PTPRG: variants seen among roughly 807,000 people sequenced by gnomAD.
The protein encoded by PTPRG is receptor-type tyrosine-protein phosphatase gamma.
Under a neutral mutation model 165.3 loss-of-function variants are expected in PTPRG, and 102 were observed. The observed-to-expected ratio is 0.62, with a 90% CI of 0.53 to 0.73. The LOEUF is 0.73. Ranked by LOEUF, PTPRG falls within the 30% of genes least tolerant of loss-of-function variation. The pLI, the probability that PTPRG is intolerant of heterozygous loss-of-function variation, is 0.00. For missense variants in PTPRG, 1,866 were observed against 1,861.4 expected, an observed-to-expected ratio of 1.00 and a Z score of -0.05; for synonymous variants, 675 against 669.5, an observed-to-expected ratio of 1.01 and a Z score of -0.13.
At chr3:62,019,752 A>G (rs1480270024) in intron 4 of PTPRG, among the ~76,000 whole-genome samples, 1 of 152,222 alleles carries the variant, frequency 6.6e-6, no homozygotes, top group Non-Finnish European at 1.5e-5. Context: ...GTTGTATGCC[A>G]TGAATGTGTA....
intron 2 of PTPRG, among the ~76,000 whole-genome samples, chr3:61,967,782 T>G (rs1318776868): frequency 6.6e-6 from 1 of 152,212 alleles, no homozygotes; most frequent in African/African-American, 2.4e-5. Context: ...GTAAAACATT[T>G]TAAGTGGAAT....
At chr3:61,614,418 C>CTTTTTT (rs550755163) in intron 1 of PTPRG, among the ~76,000 whole-genome samples, 5,801 of 117,538 alleles carry the variant, frequency 0.049, 502 homozygotes, top group African/African-American at 0.1. Context: ...TTAATAATAC[C>CTTTTTT]TTTTTTTTTT....
chr3:62,195,148 T>C lies in PTPRG; in HGVS notation c.1305T>C (p.Phe435=). 6.2e-7 allele frequency: 1 copy of C among 1,614,206 alleles called. No homozygotes were observed. The highest frequency in any genetic ancestry group is 8.5e-7 in the Non-Finnish European group (1 of 1,180,022). ...AVCRNDMRSD[F]SQTMLFQANT... ...GTCGGAACGACATGCGCAGCGACTT[T>C]AGCCAGACGATGCTGTTTCAAGGTG... Residue 435 remains phenylalanine, a synonymous_variant, in exon 10 of 30, where the codon TTT becomes TTC. Transcript: ENST00000474889. This position sits in a 1 kb window ranked among gnomAD's most constrained non-coding sequence, Gnocchi z 4.4.
At chr3:61,963,818 C>T (rs1371495722) in intron 2 of PTPRG, among the ~76,000 whole-genome samples, 2 of 151,644 alleles carry the variant, frequency 1.3e-5, no homozygotes, top group Admixed American at 1.3e-4. Flanking sequence ...AAATCTTAAC[C>T]TAAACAATGG....
rs1187960831 is a variant in PTPRG at position 61,749,596 on chromosome 3, A to C, written c.190+614A>C. On this transcript the variant is annotated intron_variant, in intron 2 of 29. Transcript: ENST00000474889. ...AATTTTCTTACATTTTAAGGGGACAAAAATGAAGACCGAAAACTAGGGATA... is the reference window on the plus strand; with the variant it reads ...AATTTTCTTACATTTTAAGGGGACACAAATGAAGACCGAAAACTAGGGATA... 6 of 154,756 alleles carry C rather than the reference A, an allele frequency of 3.9e-5. No individual in the cohort carries two copies. In the South Asian group the frequency reaches 1.2e-3, roughly 30 times the overall value. The allele number at this position is 154,756 out of a possible 1,614,324, so 9.6% of individuals were successfully genotyped here.
intron 4 of PTPRG, among the ~76,000 whole-genome samples, chr3:62,045,971 T>A (rs1700276034): frequency 6.6e-6 from 1 of 152,234 alleles, no homozygotes; most frequent in African/African-American, 2.4e-5. Flanking sequence ...CATCATGATC[T>A]AGATTCATCT....
At chr3:61,600,186 A>ATGTGTGTGTGTG (rs1189934671) in intron 1 of PTPRG, among the ~76,000 whole-genome samples, 55 of 116,040 alleles carry the variant, frequency 4.7e-4, no homozygotes, top group Non-Finnish European at 6.5e-4. Flanking sequence ...ATATATATAT[A>ATGTGTGTGTGTG]TATATATGTG....
intron 1 of PTPRG, among the ~76,000 whole-genome samples, chr3:61,597,273 A>G (rs1700725754): frequency 6.6e-6 from 1 of 152,158 alleles, no homozygotes; most frequent in South Asian, 2.1e-4. Flanking sequence ...GATTCAGACC[A>G]TACTGTATTA....
intron 2 of PTPRG, among the ~76,000 whole-genome samples, chr3:61,892,014 T>G (rs1215153412): frequency 6.6e-6 from 1 of 152,232 alleles, no homozygotes. Context: ...AGTGCAAATT[T>G]ACTAACTGCT....
intron 2 of PTPRG, among the ~76,000 whole-genome samples, chr3:61,937,949 T>TTC (rs1553693799): frequency 2.4e-4 from 37 of 151,282 alleles, no homozygotes; most frequent in African/African-American, 5.6e-4. Context: ...TTTTTTTTTT[T>TTC]CCCCCTTCAG....
At chr3:61,734,920 C>A (rs2032659383) in intron 1 of PTPRG, among the ~76,000 whole-genome samples, 1 of 152,176 alleles carries the variant, frequency 6.6e-6, no homozygotes, top group African/African-American at 2.4e-5. Flanking sequence ...TTTCCAAAGT[C>A]ATGAAACTGC....
chr3:61,643,724 A>G (rs1012991496), intron 1 of PTPRG, among the ~76,000 whole-genome samples: 1 of 152,006 alleles, frequency 6.6e-6, no homozygotes, highest in Non-Finnish European at 1.5e-5. Context: ...AAATTGCACC[A>G]GTGCACTCCA....
rs143135723 is a variant in PTPRG, at chr3:61,951,224, T to A, written c.191-38401T>A. Among the ~76,000 whole-genome samples the A allele has an allele frequency of 1.2e-4, 18 of 152,332 alleles. No homozygotes were observed. In the East Asian group the frequency reaches 2.1e-3, roughly 18 times the overall value. ...GAACTCTTTTTCCTAGTTACTAGAA[T>A]TGGAAGTGGCAATCACTTCTATTCC... On this transcript the variant is annotated intron_variant, in intron 2 of 29. Coordinates refer to ENST00000474889, the MANE Select transcript of PTPRG (RefSeq NM_002841.4).
chr3:62,157,209 C>T lies in PTPRG; in HGVS notation c.825C>T (p.Pro275=), dbSNP rs201974785. 24 of 1,613,582 alleles carry T rather than the reference C, an allele frequency of 1.5e-5. No individual in the cohort carries two copies. Among genetic ancestry groups the T allele is most frequent in the Non-Finnish European group, 2.0e-5 (24 of 1,179,596 alleles). The part of the protein sequence containing the change: ...VEWIVFRRPV[P]ISYHQLEAFY... The stretch of plus-strand genomic sequence containing the variant: ...GGATAGTCTTCCGGAGACCCGTCCC[C>T]ATCTCTTACCATCAGGTAGATATTC... The change falls in exon 7 of 30, where the codon CCC becomes CCT. Residue 275 remains proline, a synonymous_variant. Coordinates refer to ENST00000474889, the MANE Select transcript of PTPRG (RefSeq NM_002841.4).
chr3:62,286,358 T>C (rs1702659631), intron 28 of PTPRG, among the ~76,000 whole-genome samples: 3 of 152,160 alleles, frequency 2.0e-5, no homozygotes, highest in Non-Finnish European at 4.4e-5. Flanking sequence ...GCCCTACTGA[T>C]TTCAAAAGGA....
rs184967094 is a variant in PTPRG at position 62,093,320 on chromosome 3, G to A, written c.615+15062G>A. Among the ~76,000 whole-genome samples, 3 of 152,274 alleles carry A rather than the reference G, an allele frequency of 2.0e-5. No individual in the cohort carries two copies. The East Asian group carries it at 5.8e-4, about 29-fold the overall frequency. On this transcript the variant is annotated intron_variant, in intron 5 of 29. Coordinates refer to ENST00000474889, the MANE Select transcript of PTPRG (RefSeq NM_002841.4). ...AAAGAGCATGTTCTCAACTCCTGAG[G>A]TTCATGATCCTCCCGCCCTCTGCTT...
rs140733698 is a variant in PTPRG at position 61,766,703 on chromosome 3, A to G, written c.190+17721A>G. Among the ~76,000 whole-genome samples the G allele has an allele frequency of 1.3e-4, 19 of 151,552 alleles. No individual in the cohort carries two copies. The East Asian group carries it at 3.7e-3, about 30-fold the overall frequency. On this transcript the variant is annotated intron_variant, in intron 2 of 29. Transcript: ENST00000474889. ...ATAATCTCTGGTCACTGCAACCTCCATCTCCTGAGTTTAAGCAATTCTCCT... is the reference window on the plus strand; with the variant it reads ...ATAATCTCTGGTCACTGCAACCTCCGTCTCCTGAGTTTAAGCAATTCTCCT...
chr3:61,640,826 A>G (rs1370477190), intron 1 of PTPRG, among the ~76,000 whole-genome samples: 1 of 152,214 alleles, frequency 6.6e-6, no homozygotes, highest in Non-Finnish European at 1.5e-5. Context: ...CACTTTCTGA[A>G]TATAATGGAT....
chr3:61,706,491 ATT>A (rs386355972), intron 1 of PTPRG, among the ~76,000 whole-genome samples: 15,205 of 137,468 alleles, frequency 0.11, 942 homozygotes, highest in East Asian at 0.17. Context: ...TGTGCAAGTA[ATT>A]TTTTTTTTTT....
Sources: gnomAD v4.1 joint callset for allele counts (sites outside exome capture counted in the v4.1 genomes callset) on GRCh38, gnomAD v4.1.1 for gene constraint, Gnocchi (gnomAD v3.1) non-coding constraint, MANE v1.5 for transcripts, NCBI Gene and HGNC (gene_info 2026-07-23, HGNC 2026-07-21) for gene names.